The following CFAP46 variants were observed in gnomAD, a reference collection of about 807,000 sequenced individuals.
CFAP46 encodes cilia and flagella associated protein 46.
Under a neutral mutation model 325.7 loss-of-function variants are expected in CFAP46, and 245 were observed. The observed-to-expected ratio is 0.75, with a 90% confidence interval of 0.68 to 0.84. CFAP46 has a LOEUF of 0.84. CFAP46 is among the 40% of genes least tolerant of loss of function. The probability of loss-of-function intolerance (pLI) is 0.00; values close to 1 mark genes in which losing one functional copy is unlikely to be tolerated. For missense variants in CFAP46, 3,346 were observed against 3,543.0 expected (o/e 0.94, Z 1.41); for synonymous variants, 1,523 against 1,495.9 (o/e 1.02, Z -0.42).
rs7084820 is a variant in CFAP46, at chr10:132,811,630, C to T, written c.7502-599G>A. Among the ~76,000 whole-genome samples the T allele has an allele frequency of 9.7e-3, 1,473 of 152,308 alleles. 24 individuals carry two copies. The highest frequency in any genetic ancestry group is 0.034 in the African/African-American group (1,404 of 41,572). On this transcript the variant is annotated intron_variant, in intron 55 of 57. Coordinates refer to ENST00000368586, the MANE Select transcript of CFAP46 (RefSeq NM_001200049.3). ...CTTCCACTCGCAGCCTGGCCGTTCC[C>T]GCAGACAGGCTGTCCAGCTGCGTGA...
chr10:132,824,472 G>GTGTGCTGA (rs1847988856), intron 50 of CFAP46, among the ~76,000 whole-genome samples: 1 of 120,262 alleles, frequency 8.3e-6, no homozygotes, highest in African/African-American at 3.2e-5. Context: ...GATGTGTGCT[G>GTGTGCTGA]TGTGTGCTGT....
In CFAP46 at chr10:132,817,558, G is replaced by A. The variant is rs1446448310; in HGVS notation, c.7118-2644C>T. ...TTTGATTGAGGTAACCGGCCCCTTC[G>A]TCTTCCTCATTCATTCTTCCTTCTC... On this transcript the variant is annotated intron_variant, in intron 50 of 57. Transcript: ENST00000368586. The surrounding 1 kb of genome is among the most constrained non-coding windows in gnomAD (Gnocchi z 4.4). 2.0e-5 allele frequency among the ~76,000 whole-genome samples: 3 copies of A among 152,144 alleles called. No homozygotes were observed. Among genetic ancestry groups the A allele is most frequent in the Admixed American group, 6.5e-5 (1 of 15,284 alleles).
At chr10:132,883,379 C>A (rs937322082) in intron 27 of CFAP46, among the ~76,000 whole-genome samples, 1 of 152,254 alleles carries the variant, frequency 6.6e-6, no homozygotes, top group South Asian at 2.1e-4. Flanking sequence ...GGAATATGCA[C>A]CCCATCATCA....
At chr10:132,923,183 C>G (rs1286690381) in intron 11 of CFAP46, among the ~76,000 whole-genome samples, 1 of 151,744 alleles carries the variant, frequency 6.6e-6, no homozygotes, top group Non-Finnish European at 1.5e-5. Context: ...TACCCCGGAA[C>G]CCCTGGCCTC....
chr10:132,824,759 C>T (rs1346394952), intron 50 of CFAP46, among the ~76,000 whole-genome samples: 1 of 95,258 alleles, frequency 1.0e-5, no homozygotes, highest in Non-Finnish European at 1.9e-5. Flanking sequence ...TGTGTGAGTG[C>T]TGATGTGTGC....
In CFAP46 at chr10:132,847,462, C is replaced by A; in HGVS notation, c.5953-141G>T. The A allele has an allele frequency of 1.0e-6, 1 of 983,742 alleles. No individual in the cohort carries two copies. The highest frequency in any genetic ancestry group is 2.4e-5 in the East Asian group (1 of 41,736). The allele number at this position is 983,742 out of a possible 1,614,324, so 60.9% of individuals were successfully genotyped here. A position where few individuals can be genotyped will look rare whatever the true frequency, so the allele number is the denominator to read the frequency against. ...GGGGTACCGCAGGCCACAGCATGGC[C>A]TCTCACTATCCCAAACCCTCCATCC... On this transcript the variant is annotated intron_variant, in intron 41 of 57. Transcript: ENST00000368586. The surrounding 1 kb of genome is among the most constrained non-coding windows in gnomAD (Gnocchi z 5.2).
chr10:132,833,806 C>T (rs1286141134), intron 49 of CFAP46, among the ~76,000 whole-genome samples: 1 of 152,222 alleles, frequency 6.6e-6, no homozygotes, highest in Non-Finnish European at 1.5e-5. Context: ...TTCCGTGGTG[C>T]TCTCAGGAGG....
chr10:132,862,329 C>T (rs1325997511), intron 35 of CFAP46, among the ~76,000 whole-genome samples: 1 of 151,812 alleles, frequency 6.6e-6, no homozygotes, highest in Non-Finnish European at 1.5e-5. Flanking sequence ...GGCCGGAGGC[C>T]GGCGACAGGG....
rs907550575 is a variant in CFAP46, at chr10:132,876,671, T to C, written c.4362+141A>G. ...CAGACAGTGGTGCTGGGAGGGCCTG[T>C]GGGAGGCTGGGGGCTGATGGGACTC... On this transcript the variant is annotated intron_variant, in intron 31 of 57. Transcript: ENST00000368586. This position sits in a 1 kb window ranked among gnomAD's most constrained non-coding sequence, Gnocchi z 4.1. 2 of 828,194 alleles carry C rather than the reference T, an allele frequency of 2.4e-6. No homozygotes were observed. The highest frequency in any genetic ancestry group is 1.7e-5 in the African/African-American group (1 of 57,908). The allele number at this position is 828,194 out of a possible 1,614,324, so 51.3% of individuals were successfully genotyped here.
chr10:132,846,620 G>T (rs938438164), intron 43 of CFAP46, among the ~76,000 whole-genome samples: 2 of 151,578 alleles, frequency 1.3e-5, no homozygotes, highest in African/African-American at 4.8e-5. Context: ...GCTGGCCTGC[G>T]ACTGCCGGGT....
chr10:132,899,199 T>A, intron 23 of CFAP46, 78 bp from the exon 24 acceptor site: 1 of 1,467,402 alleles, frequency 6.8e-7, no homozygotes, highest in Non-Finnish European at 9.1e-7. Context: ...GACAGGAAGG[T>A]CGGGCGCCCA....
At chr10:132,836,479 G>A (rs888674025) in intron 45 of CFAP46, among the ~76,000 whole-genome samples, 3 of 152,212 alleles carry the variant, frequency 2.0e-5, no homozygotes, top group Non-Finnish European at 2.9e-5. Context: ...CAGAGGCACC[G>A]CCGGCTGGCT....
Position 132,876,003 on chromosome 10 carries a change from C to G in CFAP46, c.4362+809G>C, listed in dbSNP as rs1362092032. On this transcript the variant is annotated intron_variant, in intron 31 of 57. Transcript: ENST00000368586. This position sits in a 1 kb window ranked among gnomAD's most constrained non-coding sequence, Gnocchi z 4.1. ...ATGTGATTTTCCAGAATAAAGGATT[C>G]CTTCAAACCAATCAGGAAAAGTCAG... Among the ~76,000 whole-genome samples the G allele has an allele frequency of 4.6e-5, 7 of 152,200 alleles. No individual in the cohort carries two copies. Among genetic ancestry groups the G allele is most frequent in the Non-Finnish European group, 8.8e-5 (6 of 68,034 alleles).
At chr10:132,925,595 G>A (rs1184880750) in intron 10 of CFAP46, among the ~76,000 whole-genome samples, 13 of 152,390 alleles carry the variant, frequency 8.5e-5, no homozygotes, top group Non-Finnish European at 1.8e-4. Context: ...CAGCCAAAGC[G>A]TCTGGAAATC....
chr10:132,932,386 T>G (rs1307749674), intron 8 of CFAP46, among the ~76,000 whole-genome samples: 1 of 140,038 alleles, frequency 7.1e-6, no homozygotes, highest in Non-Finnish European at 1.5e-5. Context: ...ACGCAGAGGC[T>G]GGGCCTTCCT....
At chr10:132,924,399 GC>G (rs5789147) in intron 11 of CFAP46, among the ~76,000 whole-genome samples, 82,897 of 151,896 alleles carry the variant, frequency 0.55, 23,437 homozygotes, top group African/African-American at 0.68. Context: ...GCCACAACCA[GC>G]CCCCCACTCC....
At position 132,876,841 on chromosome 10, in the gene CFAP46, TAG is replaced by T. The variant is rs1285370519; in HGVS notation, c.4331_4332del (p.Ser1444TyrfsTer78). ...TTCTGGATACTTGAGGGGTTCACAG[TAG>T]AGTCACTTCTGTCCTGTTTCAGTAC... Reference protein sequence around the residue: ...LSVLKQDRSDSTVNPSSIQKP... With the variant: ...LSVLKQDRSDXTVNPSSIQKP... On this transcript the variant is annotated frameshift_variant, in exon 31 of 58. Coordinates refer to ENST00000368586, the MANE Select transcript of CFAP46 (RefSeq NM_001200049.3). LOFTEE classifies it high-confidence loss of function. This position sits in a 1 kb window ranked among gnomAD's most constrained non-coding sequence, Gnocchi z 4.1. The T allele has an allele frequency of 1.3e-6, 2 of 1,550,288 alleles. No homozygotes were observed. Among genetic ancestry groups the T allele is most frequent in the East Asian group, 4.9e-5 (2 of 40,918 alleles).
In CFAP46 at chr10:132,817,220, T is replaced by G. The variant is rs1164591858; in HGVS notation, c.7118-2306A>C. Among the ~76,000 whole-genome samples the G allele has an allele frequency of 1.3e-5, 2 of 152,214 alleles. No individual in the cohort carries two copies. Among genetic ancestry groups the G allele is most frequent in the Non-Finnish European group, 2.9e-5 (2 of 68,036 alleles). On this transcript the variant is annotated intron_variant, in intron 50 of 57. Transcript: ENST00000368586. The surrounding 1 kb of genome is among the most constrained non-coding windows in gnomAD (Gnocchi z 4.4). ...AGGCGAACTTTCGATTCTCATGATGTCCATGTCCCTAATAATGCCTGGCTC... is the reference window on the plus strand; with the variant it reads ...AGGCGAACTTTCGATTCTCATGATGGCCATGTCCCTAATAATGCCTGGCTC...
rs1426436781 is a variant in CFAP46, at chr10:132,941,643, C to T, written c.254G>A (p.Arg85Gln). The T allele has an allele frequency of 6.2e-6, 10 of 1,613,874 alleles. No homozygotes were observed. The South Asian group carries it at 6.6e-5, about 11-fold the overall frequency. The stretch of plus-strand genomic sequence containing the variant: ...CATCTGGGCCCTGCACAGGTGCGCT[C>T]GGCCCAGAAACTGGGTGATGGGCGC... ...VKAPITQFLGRAHLCRAQMCA... is the reference protein window; with the variant it reads ...VKAPITQFLGQAHLCRAQMCA... The change falls in exon 3 of 58, where the codon CGA (arginine) becomes CAA (glutamine). Residue 85 changes from arginine (R) to glutamine (Q), a missense_variant. Physicochemically the swap from Arg to Gln is conservative, Grantham distance 43. Coordinates refer to ENST00000368586, the MANE Select transcript of CFAP46 (RefSeq NM_001200049.3).
Sources: allele counts gnomAD v4.1 joint callset (sites outside exome capture counted in the v4.1 genomes callset), GRCh38; gene constraint gnomAD v4.1.1; non-coding constraint Gnocchi (gnomAD v3.1); transcripts MANE v1.5; gene names NCBI Gene and HGNC (gene_info 2026-07-23, HGNC 2026-07-21).